Variants in FSIP1 observed in about 807,000 individuals in gnomAD.
FSIP1 encodes the protein fibrous sheath-interacting protein 1.
FSIP1 carries 65 observed loss-of-function variants against 60.9 expected under a neutral mutation model. That is an observed-to-expected ratio of 1.07 (90% CI 0.87 to 1.31). FSIP1 has a LOEUF of 1.31. Among genes scored for constraint, FSIP1 ranks in the 40% most tolerant of loss-of-function variants. The pLI is 0.00. For missense variants in FSIP1, 675 were observed against 665.5 expected, an observed-to-expected ratio of 1.01 and a Z score of -0.16; for synonymous variants, 209 against 221.2, an observed-to-expected ratio of 0.94 and a Z score of 0.49.
chr15:39,673,006 A>G (rs888415222), intron 10 of FSIP1, among the ~76,000 whole-genome samples: 1 of 152,190 alleles, frequency 6.6e-6, no homozygotes, highest in African/African-American at 2.4e-5. Flanking sequence ...GAGGGCCATT[A>G]ATCATCTGGT....
chr15:39,656,106 A>G (rs1893060469), intron 10 of FSIP1, among the ~76,000 whole-genome samples: 1 of 152,106 alleles, frequency 6.6e-6, no homozygotes, highest in African/African-American at 2.4e-5. Context: ...TTGAACCCTA[A>G]AAAGATGTTT....
At chr15:39,611,715 G>C (rs1429811285) in intron 11 of FSIP1, among the ~76,000 whole-genome samples, 1 of 152,172 alleles carries the variant, frequency 6.6e-6, no homozygotes, top group African/African-American at 2.4e-5. Flanking sequence ...AACACATAGA[G>C]TGGCTGAATG....
intron 10 of FSIP1, among the ~76,000 whole-genome samples, chr15:39,684,903 C>T (rs1894303966): frequency 6.6e-6 from 1 of 152,144 alleles, no homozygotes. Context: ...CATAGAGGGT[C>T]AAGTAACTTC....
chr15:39,753,774 A>G (rs1173184163), intron 5 of FSIP1, among the ~76,000 whole-genome samples: 1 of 152,122 alleles, frequency 6.6e-6, no homozygotes. Context: ...AAAAAAAGGT[A>G]AACAAGTAAA....
intron 11 of FSIP1, among the ~76,000 whole-genome samples, chr15:39,607,276 T>C (rs1595525691): frequency 6.6e-6 from 1 of 152,348 alleles, no homozygotes; most frequent in East Asian, 1.9e-4. Context: ...TTTCCATCTC[T>C]GCCAGTGACT....
At chr15:39,776,296 T>C in intron 2 of FSIP1, 103 bp downstream of exon 2, 1 of 1,123,300 alleles carries the variant, frequency 8.9e-7, no homozygotes, top group Non-Finnish European at 1.3e-6. Flanking sequence ...AAACACACCG[T>C]CTAAGGAGAA....
At chr15:39,619,238 T>A (rs1891354476) in intron 10 of FSIP1, among the ~76,000 whole-genome samples, 1 of 152,182 alleles carries the variant, frequency 6.6e-6, no homozygotes, top group African/African-American at 2.4e-5. Context: ...TCTCCACTAT[T>A]AGGTAAAGCT....
chr15:39,704,563 G>T (rs1312902780), intron 10 of FSIP1, among the ~76,000 whole-genome samples: 1 of 152,192 alleles, frequency 6.6e-6, no homozygotes, highest in African/African-American at 2.4e-5. Context: ...CACAGGCTGA[G>T]GTGTCAGAAG....
chr15:39,765,546 G>T (rs773739985), intron 4 of FSIP1, 46 bp downstream of exon 4: 13 of 1,432,002 alleles, frequency 9.1e-6, no homozygotes, highest in Non-Finnish European at 1.1e-5. Flanking sequence ...GCCCAGCCAG[G>T]AGAATTTATT....
At chr15:39,749,396 T>C (rs976563202) in intron 5 of FSIP1, among the ~76,000 whole-genome samples, 2 of 147,950 alleles carry the variant, frequency 1.4e-5, no homozygotes, top group Admixed American at 1.4e-4. Context: ...CTGATGAACA[T>C]TGATGTAAAA....
At chr15:39,638,771 T>C (rs1892235785) in intron 10 of FSIP1, among the ~76,000 whole-genome samples, 1 of 152,046 alleles carries the variant, frequency 6.6e-6, no homozygotes, top group African/African-American at 2.4e-5. Flanking sequence ...AAAGAGACTA[T>C]ACTATTTTCC....
At chr15:39,774,518 T>C (rs1595408074) in intron 2 of FSIP1, among the ~76,000 whole-genome samples, 1 of 147,402 alleles carries the variant, frequency 6.8e-6, no homozygotes, top group Non-Finnish European at 1.5e-5. Context: ...AAGCCAAGGA[T>C]AGTTAAGACA....
At chr15:39,706,071 C>T (rs1295009102) in intron 10 of FSIP1, among the ~76,000 whole-genome samples, 1 of 151,620 alleles carries the variant, frequency 6.6e-6, no homozygotes, top group Non-Finnish European at 1.5e-5. Context: ...TTTTATCATC[C>T]TACCATAGAA....
chr15:39,731,057 T>C (rs555513856), intron 8 of FSIP1, among the ~76,000 whole-genome samples: 2 of 152,216 alleles, frequency 1.3e-5, no homozygotes, highest in African/African-American at 4.8e-5. Flanking sequence ...AAAAATTTAT[T>C]GTCACACTAT....
chr15:39,636,488 C>T lies in FSIP1; in HGVS notation c.1189-18243G>A, dbSNP rs115514430. ...GTAGGGCAGAAGGAGAACTGACCTA[C>T]CTTTGTAATGCAACTCCTTCAGATG... On this transcript the variant is annotated intron_variant, in intron 10 of 11. Coordinates refer to ENST00000350221, the MANE Select transcript of FSIP1 (RefSeq NM_152597.5). Among the ~76,000 whole-genome samples, 1,299 of 152,282 alleles carry T rather than the reference C, an allele frequency of 8.5e-3. 27 individuals carry two copies. The highest frequency in any genetic ancestry group is 0.03 in the African/African-American group (1,243 of 41,554).
At chr15:39,723,049 T>C (rs1487712649) in intron 9 of FSIP1, among the ~76,000 whole-genome samples, 1 of 152,182 alleles carries the variant, frequency 6.6e-6, no homozygotes, top group Admixed American at 6.5e-5. Flanking sequence ...TATAATAACA[T>C]AATTGGCTGA....
intron 3 of FSIP1, among the ~76,000 whole-genome samples, chr15:39,768,638 T>C (rs1481602691): frequency 6.6e-6 from 1 of 152,216 alleles, no homozygotes; most frequent in Non-Finnish European, 1.5e-5. Flanking sequence ...TTGTTTTGGC[T>C]AAAGTATATG....
chr15:39,772,081 G>A (rs890084063), intron 2 of FSIP1, among the ~76,000 whole-genome samples: 1 of 152,176 alleles, frequency 6.6e-6, no homozygotes, highest in Admixed American at 6.5e-5. Flanking sequence ...CTCAGAAAGA[G>A]CAGAAGGTAA....
Position 39,779,022 on chromosome 15 carries a change from C to T in FSIP1, c.-7-2491G>A, listed in dbSNP as rs1898157875. On this transcript the variant is annotated intron_variant, in intron 1 of 11. Transcript: ENST00000350221. ...AGATGTGGCTACGTAATAGTTAATG[C>T]TCTTGAATCTCAAACATGAAAAAGA... 1.3e-5 allele frequency among the ~76,000 whole-genome samples: 2 copies of T among 152,002 alleles called. 1 individual carries two copies. Among genetic ancestry groups the T allele is most frequent in the Admixed American group, 1.3e-4 (2 of 15,272 alleles).
Sources: allele counts gnomAD v4.1 joint callset (sites outside exome capture counted in the v4.1 genomes callset), GRCh38; gene constraint gnomAD v4.1.1; transcripts MANE v1.5; gene names NCBI Gene and HGNC (gene_info 2026-07-23, HGNC 2026-07-21).